MOCS3: variants seen among roughly 807,000 people sequenced by gnomAD.
MOCS3 encodes the protein adenylyltransferase and sulfurtransferase MOCS3.
Under a neutral mutation model 8.4 loss-of-function variants are expected in MOCS3, and 9 were observed. That is an observed-to-expected ratio of 1.07 (90% CI 0.65 to 1.87). The LOEUF (loss-of-function observed/expected upper bound fraction) is 1.87, where lower values mean the gene tolerates loss of function less well. MOCS3 is among the 40% of genes most tolerant of loss of function. The pLI is 0.00. For missense variants in MOCS3, 581 were observed against 599.7 expected, an observed-to-expected ratio of 0.97 and a Z score of 0.33; for synonymous variants, 294 against 272.0, an observed-to-expected ratio of 1.08 and a Z score of -0.80.
rs1987027860 is a variant in MOCS3, at chr20:50,959,442, C to T, written c.600C>T (p.Leu200=). 1.2e-6 allele frequency: 2 copies of T among 1,613,870 alleles called. No homozygotes were observed. The highest frequency in any genetic ancestry group is 1.3e-5 in the African/African-American group (1 of 74,954). The change falls in exon 1 of 1, where the codon CTC becomes CTT. Residue 200 remains leucine, a synonymous_variant. Transcript: ENST00000244051. Reference sequence around the variant, plus strand: ...CATGTGTGCTGGCGGGTCGGCCCCTCGTGTCTGCCAGTGCCTTGCGCTTCG... The same window carrying T: ...CATGTGTGCTGGCGGGTCGGCCCCTTGTGTCTGCCAGTGCCTTGCGCTTCG... ...NDACVLAGRP[L]VSASALRFEG... is the part of the protein sequence containing the mutation.
Position 50,959,758 on chromosome 20 carries a change from G to A in MOCS3, c.916G>A (p.Val306Met). The A allele has an allele frequency of 6.2e-7, 1 of 1,614,262 alleles. No homozygotes were observed. Among genetic ancestry groups the A allele is most frequent in the Non-Finnish European group, 8.5e-7 (1 of 1,180,042 alleles). ...TGCAGCTTGCGGGGAACGGCCCACTGTGACTGATCTGCTGGACTATGAAGC... is the reference window on the plus strand; with the variant it reads ...TGCAGCTTGCGGGGAACGGCCCACTATGACTGATCTGCTGGACTATGAAGC... ...DCAACGERPTVTDLLDYEAFC... is the reference protein window; with the variant it reads ...DCAACGERPTMTDLLDYEAFC... Residue 306 changes from valine (V) to methionine (M), a missense_variant, in exon 1 of 1, where the codon GTG becomes ATG. Transcript: ENST00000244051.
rs1401121651 is a variant in MOCS3, at chr20:50,960,482, G to T, written c.*257G>T. ...ATGTCTTGGACATGTGAGATGTAAC[G>T]TGACAGGATTTTGCATTTTAAACTG... On this transcript the variant is annotated 3_prime_UTR_variant, in exon 1 of 1. Coordinates refer to ENST00000244051, the MANE Select transcript of MOCS3 (RefSeq NM_014484.5). 5 of 374,076 alleles carry T rather than the reference G, an allele frequency of 1.3e-5. No individual in the cohort carries two copies. The Admixed American group carries it at 1.7e-4, about 13-fold the overall frequency. The allele number at this position is 374,076 out of a possible 1,614,324, so 23.2% of individuals were successfully genotyped here.
rs748932034 is a variant in MOCS3, at chr20:50,960,274, CAA to C, written c.*51_*52del. On this transcript the variant is annotated 3_prime_UTR_variant, in exon 1 of 1. Coordinates refer to ENST00000244051, the MANE Select transcript of MOCS3 (RefSeq NM_014484.5). ...AAAGATGTGGATTGCCATAATACCT[CAA>C]AGATACACTTGTTTGCATTTTTCGG... 1.4e-5 allele frequency: 21 copies of C among 1,525,974 alleles called. No individual in the cohort carries two copies. Among genetic ancestry groups the C allele is most frequent in the Non-Finnish European group, 1.7e-5 (19 of 1,133,890 alleles). The allele number at this position is 1,525,974 out of a possible 1,614,324, so 94.5% of individuals were successfully genotyped here. A position where few individuals can be genotyped will look rare whatever the true frequency, so the allele number is the denominator to read the frequency against.
rs897158965 is a variant in MOCS3 at position 50,961,041 on chromosome 20, C to T, written c.*816C>T. ...ACAGGCGTGAGCCACCACACCCTCC[C>T]GAGATCTTTAAAGTTTACCAAAATA... is the stretch of plus-strand genomic sequence containing the variant. On this transcript the variant is annotated 3_prime_UTR_variant, in exon 1 of 1. Coordinates refer to ENST00000244051, the MANE Select transcript of MOCS3 (RefSeq NM_014484.5). The T allele has an allele frequency of 1.2e-5, 2 of 167,098 alleles. No individual in the cohort carries two copies. Among genetic ancestry groups the T allele is most frequent in the Non-Finnish European group, 1.5e-5 (1 of 68,118 alleles). The allele number at this position is 167,098 out of a possible 1,614,324, so 10.4% of individuals were successfully genotyped here. A position where few individuals can be genotyped will look rare whatever the true frequency, so the allele number is the denominator to read the frequency against.
rs1987056593 is a variant in MOCS3, at chr20:50,959,902, C to T, written c.1060C>T (p.Leu354=). ...GGATTCTGGGGCATTCCACCTGTTG[C>T]TGGACGTCAGGCCTCAGGTGGAGGT... ...LLDSGAFHLL[L]DVRPQVEVDI... The change falls in exon 1 of 1, where the codon CTG becomes TTG. Residue 354 remains leucine (L), a synonymous_variant. Transcript: ENST00000244051. 1 of 1,614,248 alleles carries T rather than the reference C, an allele frequency of 6.2e-7. No homozygotes were observed. The highest frequency in any genetic ancestry group is 1.7e-5 in the Admixed American group (1 of 60,034).
In MOCS3 at chr20:50,960,552, T is replaced by C. The variant is rs1259856290; in HGVS notation, c.*327T>C. On this transcript the variant is annotated 3_prime_UTR_variant, in exon 1 of 1. Coordinates refer to ENST00000244051, the MANE Select transcript of MOCS3 (RefSeq NM_014484.5). ...TATTTTCCACCTCCCCCAGTCAAAA[T>C]GCTTTCTAAATCATTTTCACAGATT... is the stretch of plus-strand genomic sequence containing the variant. 4.2e-6 allele frequency: 1 copy of C among 239,148 alleles called. No individual in the cohort carries two copies. The highest frequency in any genetic ancestry group is 2.3e-5 in the African/African-American group (1 of 43,946). 14.8% of individuals were successfully genotyped at this position (239,148 alleles called of 1,614,324 possible). A position where few individuals can be genotyped will look rare whatever the true frequency, so the allele number is the denominator to read the frequency against.
rs754760699 is a variant in MOCS3, at chr20:50,959,431, G to T, written c.589G>T (p.Gly197Cys). 2 of 1,613,838 alleles carry T rather than the reference G, an allele frequency of 1.2e-6. No homozygotes were observed. Among genetic ancestry groups the T allele is most frequent in the Non-Finnish European group, 1.7e-6 (2 of 1,180,036 alleles). ...YLVNDACVLA[G>C]RPLVSASALR... is the part of the protein sequence containing the mutation. The stretch of plus-strand genomic sequence containing the variant: ...GGTTAATGACGCATGTGTGCTGGCG[G>T]GTCGGCCCCTCGTGTCTGCCAGTGC... Residue 197 changes from glycine to cysteine, a missense_variant, in exon 1 of 1, where the codon GGT becomes TGT. Gly to Cys is a radical substitution (Grantham distance 159, BLOSUM62 -3). Coordinates refer to ENST00000244051, the MANE Select transcript of MOCS3 (RefSeq NM_014484.5).
rs765683391 is a variant in MOCS3 at position 50,959,204 on chromosome 20, A to G, written c.362A>G (p.Asn121Ser). Reference protein sequence around the residue: ...LVDYDVVEMSNLARQVLHGEA... With the variant: ...LVDYDVVEMSSLARQVLHGEA... ...GACTATGACGTGGTAGAGATGAGCA[A>G]CCTGGCCCGCCAAGTGCTGCATGGC... The change falls in exon 1 of 1, where the codon AAC (asparagine) becomes AGC (serine). Residue 121 changes from asparagine to serine, a missense_variant. Asn to Ser is a conservative substitution (Grantham distance 46). Coordinates refer to ENST00000244051, the MANE Select transcript of MOCS3 (RefSeq NM_014484.5). 5 of 1,611,954 alleles carry G rather than the reference A, an allele frequency of 3.1e-6. No homozygotes were observed. The South Asian group carries it at 5.5e-5, about 18-fold the overall frequency.
rs781482895 is a variant in MOCS3, at chr20:50,960,252, G to T, written c.*27G>T. On this transcript the variant is annotated 3_prime_UTR_variant, in exon 1 of 1. Coordinates refer to ENST00000244051, the MANE Select transcript of MOCS3 (RefSeq NM_014484.5). ...GTGACTGGTATAGTCTGATGAGAAA[G>T]ATGTGGATTGCCATAATACCTCAAA... The T allele has an allele frequency of 6.4e-7, 1 of 1,562,090 alleles. No homozygotes were observed. The highest frequency in any genetic ancestry group is 1.2e-5 in the South Asian group (1 of 84,528).
chr20:50,962,641 C>G lies in MOCS3; in HGVS notation c.*2416C>G, dbSNP rs144593829. ...CTCGGCTCACTGCAACCTCCACCTC[C>G]CATGTTCAAGTGATTCTCATGCCTC... On this transcript the variant is annotated 3_prime_UTR_variant, in exon 1 of 1. Transcript: ENST00000244051. 3 of 152,282 alleles carry G rather than the reference C, an allele frequency of 2.0e-5. No individual in the cohort carries two copies. The highest frequency in any genetic ancestry group is 7.2e-5 in the African/African-American group (3 of 41,462). 9.4% of individuals were successfully genotyped at this position (152,282 alleles called of 1,614,324 possible).
At position 50,959,766 on chromosome 20, in the gene MOCS3, TCTG is replaced by T; in HGVS notation, c.928_930del (p.Leu310del). The stretch of plus-strand genomic sequence containing the variant: ...GCGGGGAACGGCCCACTGTGACTGA[TCTG>T]CTGGACTATGAAGCCTTCTGTGGCT... On this transcript the variant is annotated inframe_deletion, in exon 1 of 1. Transcript: ENST00000244051. 1 of 1,614,228 alleles carries T rather than the reference TCTG, an allele frequency of 6.2e-7. No homozygotes were observed. Among genetic ancestry groups the T allele is most frequent in the Non-Finnish European group, 8.5e-7 (1 of 1,180,024 alleles).
Position 50,960,234 on chromosome 20 carries a change from G to A in MOCS3, c.*9G>A. 6.3e-7 allele frequency: 1 copy of A among 1,587,612 alleles called. No individual in the cohort carries two copies. On this transcript the variant is annotated 3_prime_UTR_variant, in exon 1 of 1. Transcript: ENST00000244051. ...CATTTCCACAGTACTGAGGTGACTG[G>A]TATAGTCTGATGAGAAAGATGTGGA...
At position 50,960,162 on chromosome 20, in the gene MOCS3, G is replaced by C. The variant is rs747104566; in HGVS notation, c.1320G>C (p.Arg440=). Residue 440 remains arginine, a synonymous_variant, in exon 1 of 1, where the codon CGG becomes CGC. Coordinates refer to ENST00000244051, the MANE Select transcript of MOCS3 (RefSeq NM_014484.5). ...AAGAGTTAGACCCTTTAACAGTTCG[G>C]GATGTTGTGGGGGGCCTCATGGCCT... The part of the protein sequence containing the change: ...AAQELDPLTV[R]DVVGGLMAWA... The C allele has an allele frequency of 1.9e-6, 3 of 1,614,212 alleles. No homozygotes were observed. The African/African-American group carries it at 4.0e-5, about 22-fold the overall frequency.
rs1363870348 is a variant in MOCS3 at position 50,959,405 on chromosome 20, T to A, written c.563T>A (p.Leu188Gln). ...TCGGACAACGTGCCCACTCGCTACCTGGTTAATGACGCATGTGTGCTGGCG... is the reference window on the plus strand; with the variant it reads ...TCGGACAACGTGCCCACTCGCTACCAGGTTAATGACGCATGTGTGCTGGCG... ...DCSDNVPTRYLVNDACVLAGR... is the reference protein window; with the variant it reads ...DCSDNVPTRYQVNDACVLAGR... Residue 188 changes from leucine (L) to glutamine (Q), a missense_variant, in exon 1 of 1, where the codon CTG becomes CAG. By Grantham distance (113) the Leu-to-Gln change is moderately radical. Coordinates refer to ENST00000244051, the MANE Select transcript of MOCS3 (RefSeq NM_014484.5). The A allele has an allele frequency of 6.2e-7, 1 of 1,613,702 alleles. No individual in the cohort carries two copies. Among genetic ancestry groups the A allele is most frequent in the Admixed American group, 1.7e-5 (1 of 60,010 alleles).
In MOCS3 at chr20:50,959,117, G is replaced by C; in HGVS notation, c.275G>C (p.Gly92Ala). 6.2e-7 allele frequency: 1 copy of C among 1,613,110 alleles called. No homozygotes were observed. The highest frequency in any genetic ancestry group is 8.5e-7 in the Non-Finnish European group (1 of 1,179,912). The change falls in exon 1 of 1, where the codon GGG becomes GCG. Residue 92 changes from glycine to alanine, a missense_variant. Gly to Ala is a moderately conservative substitution (Grantham distance 60). Coordinates refer to ENST00000244051, the MANE Select transcript of MOCS3 (RefSeq NM_014484.5). ...TACVLIVGCG[G>A]LGCPLAQYLA... ...TGCGTGCTAATCGTGGGCTGCGGTG[G>C]GCTCGGCTGTCCACTAGCGCAGTAC... is the stretch of plus-strand genomic sequence containing the variant.
In MOCS3 at chr20:50,959,052, C is replaced by G; in HGVS notation, c.210C>G (p.Pro70=). 6.2e-7 allele frequency: 1 copy of G among 1,612,996 alleles called. No homozygotes were observed. Among genetic ancestry groups the G allele is most frequent in the South Asian group, 1.1e-5 (1 of 91,050 alleles). ...GCTATAGCCGGCAGCTAGTGCTGCCCGAGCTGGGCGTGCACGGACAGCTGC... is the reference window on the plus strand; with the variant it reads ...GCTATAGCCGGCAGCTAGTGCTGCCGGAGCTGGGCGTGCACGGACAGCTGC... ...ILRYSRQLVL[P]ELGVHGQLRL... Residue 70 remains proline, a synonymous_variant, in exon 1 of 1, where the codon CCC becomes CCG. Transcript: ENST00000244051.
At position 50,959,860 on chromosome 20, in the gene MOCS3, G is replaced by A. The variant is rs762743503; in HGVS notation, c.1018G>A (p.Asp340Asn). The change falls in exon 1 of 1, where the codon GAC becomes AAC. Residue 340 changes from aspartate (D) to asparagine (N), a missense_variant. Physicochemically the swap from Asp to Asn is conservative, Grantham distance 23. Transcript: ENST00000244051. ...LSPEERVSVT[D>N]YKRLLDSGAF... ...CCCAGAGGAGCGTGTTTCTGTCACC[G>A]ACTATAAGCGACTGCTGGATTCTGG... 1.9e-6 allele frequency: 3 copies of A among 1,614,178 alleles called. No individual in the cohort carries two copies. The highest frequency in any genetic ancestry group is 1.7e-5 in the Admixed American group (1 of 60,030).
chr20:50,960,416 C>A lies in MOCS3; in HGVS notation c.*191C>A. ...TGAATGACTTATTAATGGATTATACCGTTTCTGAGAACCATCATTTTTTTT... is the reference window on the plus strand; with the variant it reads ...TGAATGACTTATTAATGGATTATACAGTTTCTGAGAACCATCATTTTTTTT... On this transcript the variant is annotated 3_prime_UTR_variant, in exon 1 of 1. Coordinates refer to ENST00000244051, the MANE Select transcript of MOCS3 (RefSeq NM_014484.5). 1.9e-6 allele frequency: 1 copy of A among 532,090 alleles called. No individual in the cohort carries two copies. The highest frequency in any genetic ancestry group is 3.2e-6 in the Non-Finnish European group (1 of 314,918). The allele number at this position is 532,090 out of a possible 1,614,324, so 33.0% of individuals were successfully genotyped here. A position where few individuals can be genotyped will look rare whatever the true frequency, so the allele number is the denominator to read the frequency against.
At position 50,959,654 on chromosome 20, in the gene MOCS3, A is replaced by G; in HGVS notation, c.812A>G (p.Tyr271Cys). 1.2e-6 allele frequency: 2 copies of G among 1,614,194 alleles called. No homozygotes were observed. Among genetic ancestry groups the G allele is most frequent in the Non-Finnish European group, 1.7e-6 (2 of 1,180,032 alleles). The change falls in exon 1 of 1, where the codon TAC (tyrosine) becomes TGC (cysteine). Residue 271 changes from tyrosine (Y) to cysteine (C), a missense_variant. Transcript: ENST00000244051. ...LKIAAGLGPS[Y>C]SGSLLLFDAL... ...ATCGCTGCGGGTCTGGGCCCCTCTT[A>G]CAGTGGCAGCTTGTTGCTCTTTGAT...
Sources: gnomAD v4.1 joint callset for allele counts on GRCh38, gnomAD v4.1.1 for gene constraint, MANE v1.5 for transcripts, NCBI Gene and HGNC (gene_info 2026-07-23, HGNC 2026-07-21) for gene names.